Variants in ADAM2 observed in about 807,000 individuals in gnomAD.
ADAM2 encodes disintegrin and metalloproteinase domain-containing protein 2.
Under a neutral mutation model 99.3 loss-of-function variants are expected in ADAM2, and 101 were observed. The observed-to-expected ratio is 1.02, with a 90% CI of 0.87 to 1.20. ADAM2 has a LOEUF of 1.20. Ranked by LOEUF, ADAM2 falls within the 50% of genes most tolerant of loss-of-function variation. ADAM2 has a pLI of 0.00. For missense variants in ADAM2, 948 were observed against 878.7 expected (o/e 1.08, Z -1.00); for synonymous variants, 323 against 287.6 (o/e 1.12, Z -1.25).
At chr8:39,806,466 A>T (rs1389151211) in intron 7 of ADAM2, among the ~76,000 whole-genome samples, 1 of 148,582 alleles carries the variant, frequency 6.7e-6, no homozygotes, top group Non-Finnish European at 1.5e-5. Flanking sequence ...ATAATAAAAA[A>T]AAAGTTATAT....
chr8:39,789,196 A>C (rs565587226), intron 7 of ADAM2, among the ~76,000 whole-genome samples: 4 of 151,798 alleles, frequency 2.6e-5, no homozygotes, highest in African/African-American at 9.6e-5. Context: ...AATTATAAAC[A>C]TGTATGCAAC....
At chr8:39,768,585 C>A (rs1012027589) in intron 12 of ADAM2, among the ~76,000 whole-genome samples, 2 of 152,096 alleles carry the variant, frequency 1.3e-5, no homozygotes, top group Non-Finnish European at 2.9e-5. Context: ...ATTCAAAAAC[C>A]ACAAATGTAC....
intron 2 of ADAM2, among the ~76,000 whole-genome samples, chr8:39,834,934 G>C (rs77228404): frequency 3.2e-3 from 482 of 152,128 alleles, no homozygotes; most frequent in Non-Finnish European, 6.0e-3. Flanking sequence ...ATATCCACAT[G>C]TGTCTGTGCT....
At chr8:39,774,958 G>A (rs575381845) in intron 11 of ADAM2, among the ~76,000 whole-genome samples, 2 of 152,178 alleles carry the variant, frequency 1.3e-5, no homozygotes, top group Admixed American at 6.5e-5. Flanking sequence ...TTTTATGTGG[G>A]TGGTGATTCT....
At chr8:39,745,786 G>T (rs943808064) in intron 19 of ADAM2, among the ~76,000 whole-genome samples, 1 of 151,786 alleles carries the variant, frequency 6.6e-6, no homozygotes, top group African/African-American at 2.4e-5. Context: ...CTAAGATATA[G>T]AAATATTACA....
At position 39,799,936 on chromosome 8, in the gene ADAM2, G is replaced by A. The variant is rs144454254; in HGVS notation, c.570+9474C>T. Among the ~76,000 whole-genome samples, 752 of 152,252 alleles carry A rather than the reference G, an allele frequency of 4.9e-3. 4 individuals are homozygous for A. Among genetic ancestry groups the A allele is most frequent in the African/African-American group, 0.017 (717 of 41,558 alleles). Reference sequence around the variant, plus strand: ...CTGTGTGTCTTTGCACGTAAGATGGGTCTCCTGAGTACAGCACACCAATGA... The same window carrying A: ...CTGTGTGTCTTTGCACGTAAGATGGATCTCCTGAGTACAGCACACCAATGA... On this transcript the variant is annotated intron_variant, in intron 7 of 20. Transcript: ENST00000265708.
chr8:39,834,330 A>G (rs989745383), intron 2 of ADAM2, among the ~76,000 whole-genome samples: 1 of 152,128 alleles, frequency 6.6e-6, no homozygotes, highest in African/African-American at 2.4e-5. Context: ...GGATCATGTC[A>G]TGTGCTAATA....
chr8:39,750,234 T>C (rs1365271087), intron 16 of ADAM2, among the ~76,000 whole-genome samples: 1 of 152,058 alleles, frequency 6.6e-6, no homozygotes, highest in Non-Finnish European at 1.5e-5. Context: ...TATTGAACCT[T>C]TGAGAAATCT....
At chr8:39,778,910 T>A (rs1474287871) in intron 10 of ADAM2, among the ~76,000 whole-genome samples, 1 of 152,150 alleles carries the variant, frequency 6.6e-6, no homozygotes, top group Non-Finnish European at 1.5e-5. Flanking sequence ...CTTTATACTT[T>A]TCTCTTTTTC....
chr8:39,789,942 C>G (rs925958543), intron 7 of ADAM2, among the ~76,000 whole-genome samples: 1 of 151,736 alleles, frequency 6.6e-6, no homozygotes, highest in Non-Finnish European at 1.5e-5. Flanking sequence ...CAAATATTCT[C>G]AACTTCATTG....
chr8:39,801,552 G>C (rs1411460751), intron 7 of ADAM2, among the ~76,000 whole-genome samples: 1 of 152,154 alleles, frequency 6.6e-6, no homozygotes, highest in Admixed American at 6.5e-5. Flanking sequence ...GGTGGAGAGG[G>C]TGTGTTTTAC....
chr8:39,784,843 A>G (rs762180688), intron 10 of ADAM2, among the ~76,000 whole-genome samples: 42 of 152,146 alleles, frequency 2.8e-4, no homozygotes, highest in Non-Finnish European at 6.0e-4. Flanking sequence ...GGCCATTTGT[A>G]TGTCTTCTTT....
At chr8:39,816,582 C>T (rs1047436413) in intron 6 of ADAM2, among the ~76,000 whole-genome samples, 4 of 151,998 alleles carry the variant, frequency 2.6e-5, no homozygotes, top group African/African-American at 4.8e-5. Flanking sequence ...TATATGACCA[C>T]GAGTGGTATA....
chr8:39,831,275 T>C (rs1226934737), intron 3 of ADAM2, among the ~76,000 whole-genome samples: 1 of 152,076 alleles, frequency 6.6e-6, no homozygotes. Flanking sequence ...CAGGCAGATG[T>C]GAAATGGATT....
chr8:39,759,277 C>A (rs1262752683), intron 15 of ADAM2, among the ~76,000 whole-genome samples: 1 of 151,850 alleles, frequency 6.6e-6, no homozygotes, highest in Non-Finnish European at 1.5e-5. Flanking sequence ...ATCACTTACA[C>A]ATAATTATGA....
intron 4 of ADAM2, among the ~76,000 whole-genome samples, chr8:39,823,104 T>C (rs991536495): frequency 4.6e-5 from 7 of 152,136 alleles, no homozygotes; most frequent in African/African-American, 1.7e-4. Flanking sequence ...TTTTAGATTG[T>C]TTAAGCATCC....
chr8:39,793,895 G>A lies in ADAM2; in HGVS notation c.571-5155C>T, dbSNP rs1057039491. ...TCCAACAATGGGCAGAAATAGCCTC[G>A]TCAGAGAAATAGTTTGATAGAGAAG... On this transcript the variant is annotated intron_variant, in intron 7 of 20. Transcript: ENST00000265708. Among the ~76,000 whole-genome samples, 14 of 152,090 alleles carry A rather than the reference G, an allele frequency of 9.2e-5. No individual in the cohort carries two copies. The East Asian group carries it at 1.7e-3, about 19-fold the overall frequency.
chr8:39,788,603 T>C, intron 8 of ADAM2, 66 bp downstream of exon 8: 1 of 1,124,866 alleles, frequency 8.9e-7, no homozygotes, highest in Non-Finnish European at 1.3e-6. Flanking sequence ...TGTAGTGTCA[T>C]AATGAGGTGT....
chr8:39,746,670 C>T (rs968857487), intron 18 of ADAM2, 39 bp from the exon 19 acceptor site: 11 of 1,484,890 alleles, frequency 7.4e-6, no homozygotes, highest in Admixed American at 2.3e-5. Context: ...AAGCAAGCAC[C>T]AGAAATATAG....
Sources: gnomAD v4.1 joint callset for allele counts (sites outside exome capture counted in the v4.1 genomes callset) on GRCh38, gnomAD v4.1.1 for gene constraint, MANE v1.5 for transcripts, NCBI Gene and HGNC (gene_info 2026-07-23, HGNC 2026-07-21) for gene names.